The following CSAD variants were observed in gnomAD, a reference collection of about 807,000 sequenced individuals.
CSAD encodes P-selectin cytoplasmic tail-associated protein.
In CSAD, 47 loss-of-function variants were observed where a neutral mutation model predicts 61.5. The observed-to-expected ratio is 0.76, with a 90% CI of 0.60 to 0.97. CSAD has a LOEUF of 0.97. Among genes scored for constraint, CSAD ranks in the 50% least tolerant of loss-of-function variants. The pLI is 0.00. For synonymous variants in CSAD, 245 were observed against 252.7 expected (o/e 0.97, Z 0.29); for missense variants, 611 against 643.6 (o/e 0.95, Z 0.55).
rs1230267516 is a variant in CSAD, at chr12:53,180,811, G to A, written c.-170C>T. 3 of 1,272,148 alleles carry A rather than the reference G, an allele frequency of 2.4e-6. No individual in the cohort carries two copies. Among genetic ancestry groups the A allele is most frequent in the Admixed American group, 2.4e-5 (1 of 42,160 alleles). 78.8% of individuals were successfully genotyped at this position (1,272,148 alleles called of 1,614,324 possible). A position where few individuals can be genotyped will look rare whatever the true frequency, so the allele number is the denominator to read the frequency against. ...CTGGAGGAGGCGCCGCGCGGCCAGG[G>A]AGCCAGCGGGAGGCCGCGCCTGGCA... On this transcript the variant is annotated 5_prime_UTR_variant, in exon 1 of 17. Coordinates refer to ENST00000444623, the MANE Select transcript of CSAD (RefSeq NM_001244705.2).
Position 53,161,338 on chromosome 12 carries a change from C to G in CSAD, c.754G>C (p.Ala252Pro). 6.2e-7 allele frequency: 1 copy of G among 1,614,050 alleles called. No individual in the cohort carries two copies. Among genetic ancestry groups the G allele is most frequent in the South Asian group, 1.1e-5 (1 of 91,092 alleles). ...GCAATTGCCTCCAGGGGGTCAAAGG[C>G]CCCTAGCACAGTGGTGCCAGAGGTG... is the stretch of plus-strand genomic sequence containing the variant. ...SATSGTTVLG[A>P]FDPLEAIADV... is the part of the protein sequence containing the mutation. Residue 252 changes from alanine (A) to proline (P), a missense_variant, in exon 11 of 17, where the codon GCC (alanine) becomes CCC (proline). Physicochemically the swap from Ala to Pro is conservative, Grantham distance 27. Transcript: ENST00000444623.
At chr12:53,177,580 C>T (rs754551057) in intron 2 of CSAD, among the ~76,000 whole-genome samples, 2 of 152,090 alleles carry the variant, frequency 1.3e-5, no homozygotes, top group Non-Finnish European at 1.5e-5. Context: ...CTTGAGCTCA[C>T]GAGTTGGAAA....
chr12:53,172,926 G>C (rs1290022910), intron 4 of CSAD, among the ~76,000 whole-genome samples: 4 of 152,200 alleles, frequency 2.6e-5, no homozygotes, highest in African/African-American at 4.8e-5. Flanking sequence ...AGAAGGCTTG[G>C]GCCAGGCGTG....
rs753339341 is a variant in CSAD at position 53,158,698 on chromosome 12, G to C, written c.1309-14C>G. On this transcript the variant is annotated splice_polypyrimidine_tract_variant and intron_variant, in intron 16 of 16. Transcript: ENST00000444623. ...CACGGGGGCCACCTGTGGAAGGGTG[G>C]AGAGAGATTCCAGCTGCAGCCTGGG... is the stretch of plus-strand genomic sequence containing the variant. The C allele has an allele frequency of 1.8e-5, 29 of 1,611,040 alleles. No homozygotes were observed. The highest frequency in any genetic ancestry group is 2.4e-5 in the Non-Finnish European group (28 of 1,178,088).
Position 53,160,328 on chromosome 12 carries a change from G to C in CSAD, c.967-9C>G. 6.2e-7 allele frequency: 1 copy of C among 1,613,934 alleles called. No homozygotes were observed. Among genetic ancestry groups the C allele is most frequent in the South Asian group, 1.1e-5 (1 of 91,080 alleles). On this transcript the variant is annotated splice_polypyrimidine_tract_variant and intron_variant, in intron 13 of 16. Coordinates refer to ENST00000444623, the MANE Select transcript of CSAD (RefSeq NM_001244705.2). ...CAGCGCTTGAGCAGGTTCTGTGTGG[G>C]GGTGAGGAGATTGTCAGACCCTACC...
intron 9 of CSAD, 109 bp from the exon 10 acceptor site, chr12:53,170,235 G>A: frequency 8.9e-7 from 1 of 1,119,350 alleles, no homozygotes. Context: ...CCCTCAGGGG[G>A]TGAAACAGAT....
upstream of CSAD, chr12:53,181,050 G>C: frequency 1.1e-6 from 1 of 884,406 alleles, no homozygotes; most frequent in Non-Finnish European, 1.4e-6. Context: ...GCCCGGGAGA[G>C]GGCTCTCGGA....
intron 16 of CSAD, 27 bp downstream of exon 16, chr12:53,159,596 G>A: frequency 6.3e-7 from 1 of 1,590,476 alleles, no homozygotes; most frequent in Middle Eastern, 1.7e-4. Flanking sequence ...TCCCTAACGG[G>A]TAAAGAGAGC....
At chr12:53,159,530 G>T in intron 16 of CSAD, 93 bp downstream of exon 16, 1 of 1,023,488 alleles carries the variant, frequency 9.8e-7, no homozygotes, top group Non-Finnish European at 1.5e-6. Context: ...CCAGCAAGGA[G>T]ACCTGCCATG....
rs1423430622 is a variant in CSAD at position 53,180,780 on chromosome 12, T to C, written c.-139A>G. On this transcript the variant is annotated 5_prime_UTR_variant, in exon 1 of 17. Coordinates refer to ENST00000444623, the MANE Select transcript of CSAD (RefSeq NM_001244705.2). ...CGGCGGTGGGGTTGGCAGGGTGTGCTGGGGCCTGGAGGAGGCGCCGCGCGG... is the reference window on the plus strand; with the variant it reads ...CGGCGGTGGGGTTGGCAGGGTGTGCCGGGGCCTGGAGGAGGCGCCGCGCGG... 2 of 1,273,770 alleles carry C rather than the reference T, an allele frequency of 1.6e-6. No homozygotes were observed. Among genetic ancestry groups the C allele is most frequent in the Admixed American group, 2.4e-5 (1 of 42,350 alleles). The allele number at this position is 1,273,770 out of a possible 1,614,324, so 78.9% of individuals were successfully genotyped here. A position where few individuals can be genotyped will look rare whatever the true frequency, so the allele number is the denominator to read the frequency against.
rs142639417 is a variant in CSAD, at chr12:53,159,034, C to T, written c.1309-350G>A. Among the ~76,000 whole-genome samples, 500 of 152,292 alleles carry T rather than the reference C, an allele frequency of 3.3e-3. 3 individuals carry two copies. The highest frequency in any genetic ancestry group is 0.011 in the African/African-American group (477 of 41,566). On this transcript the variant is annotated intron_variant, in intron 16 of 16. Coordinates refer to ENST00000444623, the MANE Select transcript of CSAD (RefSeq NM_001244705.2). ...GCCTTAGTCAACACCTTCTTCTCCC[C>T]TCTCTTAATTCCTGTAATATTTTTG...
intron 15 of CSAD, 57 bp downstream of exon 15, chr12:53,159,830 G>A: frequency 6.5e-7 from 1 of 1,549,194 alleles, no homozygotes; most frequent in Non-Finnish European, 8.8e-7. Flanking sequence ...GTTGGGGCTT[G>A]GGGGCTGCAA....
At chr12:53,159,256 G>A (rs1163496197) in intron 16 of CSAD, among the ~76,000 whole-genome samples, 2 of 152,142 alleles carry the variant, frequency 1.3e-5, no homozygotes, top group Non-Finnish European at 2.9e-5. Flanking sequence ...CTCGCCTCCA[G>A]ATGGCACTTC....
chr12:53,171,069 C>G, intron 8 of CSAD: 1 of 640,692 alleles, frequency 1.6e-6, no homozygotes, highest in South Asian at 1.5e-5. Context: ...GCTGCTGGTC[C>G]ACAGACCACA....
Position 53,170,122 on chromosome 12 carries a change from T to G in CSAD, c.652A>C (p.Lys218Gln), listed in dbSNP as rs1940384887. 1 of 1,613,860 alleles carries G rather than the reference T, an allele frequency of 6.2e-7. No individual in the cohort carries two copies. The highest frequency in any genetic ancestry group is 1.7e-5 in the Admixed American group (1 of 59,986). ...VRVVKADERG[K>Q]MVPEDLERQI... The stretch of plus-strand genomic sequence containing the variant: ...CTCTCCAGATCCTCGGGGACCATTT[T>G]CCCTCTGAAAAAGAAAATGCAGAGG... The change falls in exon 10 of 17, where the codon AAA becomes CAA. Residue 218 changes from lysine to glutamine, a missense_variant. Coordinates refer to ENST00000444623, the MANE Select transcript of CSAD (RefSeq NM_001244705.2).
At chr12:53,169,254 C>T (rs756278806) in intron 10 of CSAD, among the ~76,000 whole-genome samples, 2 of 150,742 alleles carry the variant, frequency 1.3e-5, no homozygotes, top group Admixed American at 6.6e-5. Context: ...CTGAGGCAGG[C>T]GGATCGCCTG....
chr12:53,171,177 C>T (rs746662380), intron 8 of CSAD, 149 bp downstream of exon 8: 2 of 1,208,062 alleles, frequency 1.7e-6, no homozygotes, highest in South Asian at 1.3e-5. Context: ...GTTACTTGAC[C>T]TCCTTGATTG....
chr12:53,175,189 A>G (rs937511082), intron 2 of CSAD, among the ~76,000 whole-genome samples: 1 of 152,240 alleles, frequency 6.6e-6, no homozygotes. Flanking sequence ...GAAAGGCAGG[A>G]AAGTTCAACT....
chr12:53,179,186 G>A (rs1941353190), intron 1 of CSAD, 44 bp from the exon 2 acceptor site: 1 of 152,722 alleles, frequency 6.5e-6, no homozygotes, highest in African/African-American at 2.4e-5. Flanking sequence ...GTTCATTATT[G>A]TATTGTTTAT....
Sources: gnomAD v4.1 joint callset for allele counts (sites outside exome capture counted in the v4.1 genomes callset) on GRCh38, gnomAD v4.1.1 for gene constraint, MANE v1.5 for transcripts, NCBI Gene and HGNC (gene_info 2026-07-23, HGNC 2026-07-21) for gene names.